The following FSTL4 variants were observed in gnomAD, a reference collection of about 807,000 sequenced individuals.
FSTL4 encodes follistatin like 4.
FSTL4 carries 28 observed loss-of-function variants against 78.2 expected under a neutral mutation model. That is an observed-to-expected ratio of 0.36 (90% confidence interval 0.27 to 0.49). The LOEUF (loss-of-function observed/expected upper bound fraction) is 0.49, where lower values mean the gene tolerates loss of function less well. FSTL4 is among the 20% of genes least tolerant of loss of function. The pLI is 0.98. For synonymous variants in FSTL4, 422 were observed against 440.5 expected, an observed-to-expected ratio of 0.96 and a Z score of 0.53; for missense variants, 922 against 1,084.9, an observed-to-expected ratio of 0.85 and a Z score of 2.11.
intron 3 of FSTL4, among the ~76,000 whole-genome samples, chr5:133,562,314 A>G (rs1425115682): frequency 6.6e-6 from 1 of 152,224 alleles, no homozygotes; most frequent in East Asian, 1.9e-4. Flanking sequence ...AACATCTGCT[A>G]CACAAAATCA....
At chr5:133,606,371 C>T (rs62373463) in intron 1 of FSTL4, among the ~76,000 whole-genome samples, 166 of 152,260 alleles carry the variant, frequency 1.1e-3, no homozygotes, top group Admixed American at 2.0e-3. Context: ...CCACCTGCTT[C>T]GGCCTCCCAA....
chr5:133,396,127 A>C (rs1327413808), intron 4 of FSTL4, among the ~76,000 whole-genome samples: 1 of 152,178 alleles, frequency 6.6e-6, no homozygotes, highest in African/African-American at 2.4e-5. Flanking sequence ...CTGACCTCTT[A>C]GCTCATTACA....
At chr5:133,687,679 TCCAAATGC>T in the FSTL4 span, among the ~76,000 whole-genome samples, 1 of 152,238 alleles carries the variant, frequency 6.6e-6, no homozygotes, top group East Asian at 1.9e-4. Flanking sequence ...TTCCTTATTC[TCCAAATGC>T]ATACATTCAA....
At chr5:133,817,528 A>G in the FSTL4 span, among the ~76,000 whole-genome samples, 1 of 152,220 alleles carries the variant, frequency 6.6e-6, no homozygotes, top group African/African-American at 2.4e-5. Context: ...AATGTGACCT[A>G]GACCTGAAGT....
At chr5:133,368,013 G>A (rs1197273754) in intron 4 of FSTL4, among the ~76,000 whole-genome samples, 1 of 152,266 alleles carries the variant, frequency 6.6e-6, no homozygotes. Flanking sequence ...ATCTCATCTA[G>A]CCTCTGCATA....
the FSTL4 span, among the ~76,000 whole-genome samples, chr5:133,705,487 G>A: frequency 6.6e-6 from 1 of 152,166 alleles, no homozygotes; most frequent in Non-Finnish European, 1.5e-5. Context: ...CGTCCACCAG[G>A]CCTCTGTGCA....
chr5:133,589,594 G>T (rs2190595), intron 2 of FSTL4, among the ~76,000 whole-genome samples: 1 of 151,734 alleles, frequency 6.6e-6, no homozygotes, highest in Non-Finnish European at 1.5e-5. Flanking sequence ...GGGAGGAGGG[G>T]GAATAGGGGC....
rs758154323 is a variant in FSTL4 at position 133,210,210 on chromosome 5, T to C, written c.1697A>G (p.Lys566Arg). The change falls in exon 14 of 16, where the codon AAG becomes AGG. Residue 566 changes from lysine to arginine, a missense_variant. Lys to Arg is a conservative substitution (Grantham distance 26, BLOSUM62 2). Coordinates refer to ENST00000265342, the MANE Select transcript of FSTL4 (RefSeq NM_015082.2). Reference protein sequence around the residue: ...VWVLSWGDVHKSRPSLQVITE... With the variant: ...VWVLSWGDVHRSRPSLQVITE... ...ACATACCTGGAGACTTGGTCGGGAC[T>C]TGTGCACGTCCCCCCAGCTCAGGAC... 7.5e-6 allele frequency: 12 copies of C among 1,602,510 alleles called. No individual in the cohort carries two copies. The highest frequency in any genetic ancestry group is 9.4e-6 in the Non-Finnish European group (11 of 1,169,436).
intron 3 of FSTL4, among the ~76,000 whole-genome samples, chr5:133,401,699 G>A (rs1047796875): frequency 3.3e-5 from 5 of 152,158 alleles, no homozygotes; most frequent in African/African-American, 7.2e-5. Context: ...TGGGAGTGGC[G>A]GAGATCATGG....
At chr5:133,205,131 G>A (rs1274922263) in intron 14 of FSTL4, among the ~76,000 whole-genome samples, 2 of 152,184 alleles carry the variant, frequency 1.3e-5, no homozygotes, top group Non-Finnish European at 2.9e-5. Context: ...TGGTTTTGGA[G>A]AAGTAGTCTT....
At chr5:133,801,917 C>T in the FSTL4 span, among the ~76,000 whole-genome samples, 2 of 152,204 alleles carry the variant, frequency 1.3e-5, no homozygotes, top group Admixed American at 6.5e-5. Context: ...CATGCAAACA[C>T]ACCTCCCTGC....
At chr5:133,241,882 T>G (rs1751884226) in intron 7 of FSTL4, among the ~76,000 whole-genome samples, 2 of 152,224 alleles carry the variant, frequency 1.3e-5, no homozygotes, top group Admixed American at 1.3e-4. Context: ...GACAGCTGAT[T>G]CCTGTCGTTG....
intron 3 of FSTL4, among the ~76,000 whole-genome samples, chr5:133,485,348 C>G (rs551000072): frequency 1.3e-3 from 201 of 152,280 alleles, no homozygotes; most frequent in African/African-American, 4.6e-3. Context: ...AGGAGGGAAC[C>G]CTTTATGGGC....
intron 6 of FSTL4, among the ~76,000 whole-genome samples, chr5:133,272,130 G>A (rs566335062): frequency 1.8e-4 from 27 of 152,326 alleles, no homozygotes; most frequent in African/African-American, 6.3e-4. Context: ...CCAACAAGGG[G>A]AATGTACCAG....
chr5:133,490,282 G>C (rs1367469835), intron 3 of FSTL4, among the ~76,000 whole-genome samples: 1 of 151,912 alleles, frequency 6.6e-6, no homozygotes, highest in Non-Finnish European at 1.5e-5. Flanking sequence ...TTTGACCTTT[G>C]AGTGAATTAA....
At chr5:133,663,582 C>T in the FSTL4 span, among the ~76,000 whole-genome samples, 235 of 152,296 alleles carry the variant, frequency 1.5e-3, 1 homozygote, top group African/African-American at 5.2e-3. Context: ...AGGAAAGGGG[C>T]GTTCAATTGC....
At chr5:133,470,519 C>T (rs897455784) in intron 3 of FSTL4, among the ~76,000 whole-genome samples, 8 of 152,012 alleles carry the variant, frequency 5.3e-5, no homozygotes, top group African/African-American at 1.9e-4. Context: ...CTGAGGCAGG[C>T]GGATCACCTG....
intron 14 of FSTL4, among the ~76,000 whole-genome samples, chr5:133,204,496 C>T (rs1366283299): frequency 6.6e-6 from 1 of 152,070 alleles, no homozygotes; most frequent in East Asian, 1.9e-4. Flanking sequence ...TGATTATGGC[C>T]TTTGGAAAAA....
chr5:133,270,491 G>A (rs981695079), intron 6 of FSTL4, among the ~76,000 whole-genome samples: 1 of 152,198 alleles, frequency 6.6e-6, no homozygotes, highest in Non-Finnish European at 1.5e-5. Flanking sequence ...AAACGGCGTG[G>A]CAGCTGAAGG....
Sources: allele counts gnomAD v4.1 joint callset (sites outside exome capture counted in the v4.1 genomes callset), GRCh38; gene constraint gnomAD v4.1.1; transcripts MANE v1.5; gene names NCBI Gene and HGNC (gene_info 2026-07-23, HGNC 2026-07-21).